PLEKHD1: variants seen among roughly 807,000 people sequenced by gnomAD.
The protein encoded by PLEKHD1 is pleckstrin homology and coiled-coil domain containing D1.
PLEKHD1 carries 51 observed loss-of-function variants against 69.2 expected under a neutral mutation model. That is an observed-to-expected ratio of 0.74 (90% CI 0.59 to 0.93). The LOEUF is 0.93. Ranked by LOEUF, PLEKHD1 falls within the 40% of genes least tolerant of loss-of-function variation. The pLI is 0.00. For synonymous variants in PLEKHD1, 236 were observed against 244.7 expected, an observed-to-expected ratio of 0.96 and a Z score of 0.33; for missense variants, 584 against 641.0, an observed-to-expected ratio of 0.91 and a Z score of 0.96.
intron 1 of PLEKHD1, among the ~76,000 whole-genome samples, chr14:69,488,858 G>A (rs1299703738): frequency 2.0e-5 from 3 of 152,234 alleles, no homozygotes; most frequent in Non-Finnish European, 2.9e-5. Context: ...CACAGAGGCA[G>A]GGGGAAGGTG....
Position 69,527,328 on chromosome 14 carries a change from G to A in PLEKHD1, c.1197G>A (p.Leu399=). Residue 399 remains leucine (L), a synonymous_variant, in exon 11 of 13, where the codon CTG becomes CTA. Transcript: ENST00000322564. ...GGATGCGGGCTGATGTGAGCCATCT[G>A]AAAAGTAAGCCCTGCCTCTAGGCCC... The part of the protein sequence containing the change: ...EERMRADVSH[L]KRFFEECIRN... The A allele has an allele frequency of 1.3e-6, 2 of 1,551,676 alleles. No homozygotes were observed. The highest frequency in any genetic ancestry group is 1.7e-6 in the Non-Finnish European group (2 of 1,147,010).
At chr14:69,486,008 G>C (rs892470557) in intron 1 of PLEKHD1, among the ~76,000 whole-genome samples, 4 of 152,264 alleles carry the variant, frequency 2.6e-5, no homozygotes, top group African/African-American at 7.2e-5. Flanking sequence ...TGCAGGTGCT[G>C]TGGGCCATTT....
intron 6 of PLEKHD1, among the ~76,000 whole-genome samples, chr14:69,521,325 C>T (rs1883510064): frequency 6.6e-6 from 1 of 152,174 alleles, no homozygotes; most frequent in African/African-American, 2.4e-5. Context: ...GGTTTGAACG[C>T]AGGCTCCTTC....
At chr14:69,488,490 T>C (rs1198175391) in intron 1 of PLEKHD1, among the ~76,000 whole-genome samples, 3 of 152,130 alleles carry the variant, frequency 2.0e-5, no homozygotes, top group Admixed American at 2.0e-4. Context: ...GTGTGAGGTA[T>C]CCCACAAGCA....
chr14:69,484,238 C>T (rs1457488330), upstream of PLEKHD1, among the ~76,000 whole-genome samples: 1 of 152,230 alleles, frequency 6.6e-6, no homozygotes, highest in Non-Finnish European at 1.5e-5. Context: ...GGGCATCAGG[C>T]ATCGCCACTT....
chr14:69,501,852 G>T, intron 5 of PLEKHD1, 27 bp downstream of exon 5: 6 of 1,521,846 alleles, frequency 3.9e-6, no homozygotes, highest in Non-Finnish European at 5.4e-6. Flanking sequence ...GTTCCCTAAT[G>T]GTAGCAGCAC....
chr14:69,490,085 C>T (rs367647042), intron 1 of PLEKHD1, among the ~76,000 whole-genome samples: 288 of 152,302 alleles, frequency 1.9e-3, no homozygotes, highest in African/African-American at 6.8e-3. Context: ...CTAGGCTGTT[C>T]TCAAACTCCT....
At chr14:69,513,870 C>G (rs571078520) in intron 6 of PLEKHD1, among the ~76,000 whole-genome samples, 1 of 152,304 alleles carries the variant, frequency 6.6e-6, no homozygotes, top group African/African-American at 2.4e-5. Flanking sequence ...GTACAGAATT[C>G]TAAGCTGGTG....
At chr14:69,501,903 G>T in intron 5 of PLEKHD1, 78 bp downstream of exon 5, 1 of 1,296,790 alleles carries the variant, frequency 7.7e-7, no homozygotes, top group Non-Finnish European at 1.1e-6. Context: ...GGTAAAGGAT[G>T]CAGCAGGGAT....
At chr14:69,467,984 A>G in the PLEKHD1 span, among the ~76,000 whole-genome samples, 3 of 152,252 alleles carry the variant, frequency 2.0e-5, no homozygotes, top group African/African-American at 4.8e-5. Context: ...GTAGTTCTCC[A>G]ATACCTCATC....
At chr14:69,490,362 C>T (rs1028441753) in intron 1 of PLEKHD1, among the ~76,000 whole-genome samples, 5 of 152,142 alleles carry the variant, frequency 3.3e-5, no homozygotes, top group Admixed American at 6.5e-5. Flanking sequence ...AATCTAATGC[C>T]GCCGCTGATC....
the PLEKHD1 span, among the ~76,000 whole-genome samples, chr14:69,477,308 A>G: frequency 6.6e-6 from 1 of 152,180 alleles, no homozygotes. Context: ...CCCATGATTC[A>G]ACTACCTCCC....
chr14:69,497,617 A>G (rs1882916043), intron 1 of PLEKHD1, among the ~76,000 whole-genome samples: 1 of 152,220 alleles, frequency 6.6e-6, no homozygotes, highest in Non-Finnish European at 1.5e-5. Context: ...AGGACCACGC[A>G]AGTGTAGCAG....
chr14:69,502,703 T>G, intron 5 of PLEKHD1, 124 bp from the exon 6 acceptor site: 1 of 1,267,584 alleles, frequency 7.9e-7, no homozygotes, highest in Non-Finnish European at 1.1e-6. Context: ...CTGGCAGGGC[T>G]GCAGGCCCCT....
the PLEKHD1 span, among the ~76,000 whole-genome samples, chr14:69,470,365 A>G: frequency 6.6e-6 from 1 of 151,366 alleles, no homozygotes; most frequent in African/African-American, 2.4e-5. Context: ...CGGGATACTG[A>G]GGCATGAGAA....
At chr14:69,527,702 C>T in intron 11 of PLEKHD1, 81 bp from the exon 12 acceptor site, 5 of 1,494,082 alleles carry the variant, frequency 3.3e-6, no homozygotes, top group Non-Finnish European at 4.5e-6. Flanking sequence ...CTCAATCTCA[C>T]CAGGATCCTT....
rs1883659928 is a variant in PLEKHD1 at position 69,526,795 on chromosome 14, CG to C, written c.1024del (p.Ala342GlnfsTer14). ...QALQNSLQEL[T>X]AEKQQAEREL... ...CTGCAGAACTCGCTGCAGGAGCTGA[CG>C]GCAGAGAAGCAGCAGGCTGAGCGGG... On this transcript the variant is annotated frameshift_variant, in exon 10 of 13. Coordinates refer to ENST00000322564, the MANE Select transcript of PLEKHD1 (RefSeq NM_001161498.2). LOFTEE classifies it high-confidence loss of function. 2 of 1,549,554 alleles carry C rather than the reference CG, an allele frequency of 1.3e-6. No individual in the cohort carries two copies. The highest frequency in any genetic ancestry group is 1.7e-6 in the Non-Finnish European group (2 of 1,146,072).
chr14:69,498,407 G>T lies in PLEKHD1; in HGVS notation c.150-1708G>T, dbSNP rs892120518. On this transcript the variant is annotated intron_variant, in intron 1 of 12. Coordinates refer to ENST00000322564, the MANE Select transcript of PLEKHD1 (RefSeq NM_001161498.2). The stretch of plus-strand genomic sequence containing the variant: ...TATTTTTGAAAAAGAAAAGAAAATG[G>T]GTTGACATGAGGCTCACACCACAGC... Among the ~76,000 whole-genome samples the T allele has an allele frequency of 5.9e-5, 9 of 151,854 alleles. No homozygotes were observed. The East Asian group carries it at 1.8e-3, about 30-fold the overall frequency.
intron 1 of PLEKHD1, among the ~76,000 whole-genome samples, chr14:69,487,961 C>T (rs373603335): frequency 6.6e-6 from 1 of 152,160 alleles, no homozygotes; most frequent in Non-Finnish European, 1.5e-5. Context: ...CTGAACACTT[C>T]CCAAGGCCGG....
Sources: gnomAD v4.1 joint callset for allele counts (sites outside exome capture counted in the v4.1 genomes callset) on GRCh38, gnomAD v4.1.1 for gene constraint, MANE v1.5 for transcripts, NCBI Gene and HGNC (gene_info 2026-07-23, HGNC 2026-07-21) for gene names.